ERC2: variants seen among roughly 807,000 people sequenced by gnomAD.
ERC2 encodes ERC protein 2.
Under a neutral mutation model 114.8 loss-of-function variants are expected in ERC2, and 42 were observed. That is an observed-to-expected ratio of 0.37 (90% CI 0.29 to 0.47). The LOEUF (loss-of-function observed/expected upper bound fraction) is 0.47, where lower values mean the gene tolerates loss of function less well. Ranked by LOEUF, ERC2 falls within the 20% of genes least tolerant of loss-of-function variation. The pLI, the probability that ERC2 is intolerant of heterozygous loss-of-function variation, is 0.99. For missense variants in ERC2, 939 were observed against 1,150.7 expected (o/e 0.82, Z 2.66); for synonymous variants, 454 against 425.5 (o/e 1.07, Z -0.82).
At position 56,206,007 on chromosome 3, in the gene ERC2, T is replaced by C. The variant is rs565718742; in HGVS notation, c.1075-32487A>G. Reference sequence around the variant, plus strand: ...GCAACTGTTACTCACCGTTGTCCTTTCAAGTTAACCTGTGACTGTAAGTTC... The same window carrying C: ...GCAACTGTTACTCACCGTTGTCCTTCCAAGTTAACCTGTGACTGTAAGTTC... On this transcript the variant is annotated intron_variant, in intron 3 of 17. Coordinates refer to ENST00000288221, the MANE Select transcript of ERC2 (RefSeq NM_015576.3). 2.0e-5 allele frequency among the ~76,000 whole-genome samples: 3 copies of C among 152,324 alleles called. No homozygotes were observed. In the South Asian group the frequency reaches 6.2e-4, roughly 32 times the overall value.
In ERC2 at chr3:55,889,148, C is replaced by T. The variant is rs144696586; in HGVS notation, c.2404-599G>A. Among the ~76,000 whole-genome samples the T allele has an allele frequency of 3.3e-3, 506 of 152,254 alleles. 9 individuals are homozygous for T. Among genetic ancestry groups the T allele is most frequent in the East Asian group, 0.014 (73 of 5,170 alleles). Reference sequence around the variant, plus strand: ...GAAGGCAACACTCAAATGCATTTTGCCCAGCACAATATACTTTTGTGTGTA... The same window carrying T: ...GAAGGCAACACTCAAATGCATTTTGTCCAGCACAATATACTTTTGTGTGTA... On this transcript the variant is annotated intron_variant, in intron 13 of 17. Coordinates refer to ENST00000288221, the MANE Select transcript of ERC2 (RefSeq NM_015576.3).
chr3:56,295,874 T>C (rs2150356763), intron 3 of ERC2, 145 bp downstream of exon 3: 1 of 853,492 alleles, frequency 1.2e-6, no homozygotes, highest in South Asian at 2.0e-5. Flanking sequence ...AGTTTAATGG[T>C]CTTAAGCCGG....
chr3:56,409,904 A>G (rs557161825), intron 2 of ERC2, among the ~76,000 whole-genome samples: 32 of 152,318 alleles, frequency 2.1e-4, no homozygotes, highest in African/African-American at 6.3e-4. Flanking sequence ...TCTTCACTAG[A>G]AAGTGCTGAG....
intron 13 of ERC2, among the ~76,000 whole-genome samples, chr3:55,906,079 T>C (rs1434739720): frequency 6.6e-6 from 1 of 152,162 alleles, no homozygotes; most frequent in African/African-American, 2.4e-5. Context: ...GTAATACCCA[T>C]CCTGAGGCCT....
intron 17 of ERC2, among the ~76,000 whole-genome samples, chr3:55,519,006 A>T (rs1323757865): frequency 6.6e-6 from 1 of 152,202 alleles, no homozygotes; most frequent in Admixed American, 6.5e-5. Flanking sequence ...GCCACTACTG[A>T]CATCAGAGAT....
chr3:55,550,495 T>C (rs997563793), intron 17 of ERC2, among the ~76,000 whole-genome samples: 1 of 152,190 alleles, frequency 6.6e-6, no homozygotes, highest in Non-Finnish European at 1.5e-5. Context: ...TTAGGTAACA[T>C]CTACCTCATG....
chr3:56,339,618 T>C (rs1045073268), intron 2 of ERC2, among the ~76,000 whole-genome samples: 2 of 152,114 alleles, frequency 1.3e-5, no homozygotes, highest in Non-Finnish European at 2.9e-5. Flanking sequence ...ATCAAGGAGA[T>C]GTTTCCTAAG....
At chr3:55,883,734 A>G (rs2063223552) in intron 14 of ERC2, among the ~76,000 whole-genome samples, 2 of 151,986 alleles carry the variant, frequency 1.3e-5, no homozygotes, top group Admixed American at 1.3e-4. Flanking sequence ...CTAAAAATAC[A>G]AAAATTAGCT....
chr3:55,847,132 G>A (rs1305015044), intron 14 of ERC2, among the ~76,000 whole-genome samples: 1 of 152,094 alleles, frequency 6.6e-6, no homozygotes, highest in East Asian at 1.9e-4. Flanking sequence ...TATACAAATA[G>A]ATTTATCAGA....
chr3:56,372,387 C>T (rs1329759270), intron 2 of ERC2, among the ~76,000 whole-genome samples: 1 of 152,086 alleles, frequency 6.6e-6, no homozygotes, highest in African/African-American at 2.4e-5. Context: ...AATGCAGACA[C>T]TATTAATGAA....
chr3:55,862,232 C>G (rs541096416), intron 14 of ERC2, among the ~76,000 whole-genome samples: 1 of 152,134 alleles, frequency 6.6e-6, no homozygotes, highest in Non-Finnish European at 1.5e-5. Flanking sequence ...GTCAGAGTGG[C>G]AAGCTCTATG....
intron 14 of ERC2, among the ~76,000 whole-genome samples, chr3:55,756,864 G>A (rs960079182): frequency 1.3e-5 from 2 of 152,010 alleles, no homozygotes; most frequent in Non-Finnish European, 2.9e-5. Context: ...CTCAAAGAGG[G>A]AGAAAGGAAA....
chr3:55,729,837 C>CAATAAAAAAAAAAA (rs2065138247), intron 15 of ERC2, among the ~76,000 whole-genome samples: 2 of 61,630 alleles, frequency 3.2e-5, no homozygotes, highest in African/African-American at 1.7e-4. Flanking sequence ...GACTCTATCG[C>CAATAAAAAAAAAAA]AAAAAAAAAA....
chr3:55,739,270 T>C (rs907775039), intron 14 of ERC2, among the ~76,000 whole-genome samples: 3 of 152,344 alleles, frequency 2.0e-5, no homozygotes, highest in African/African-American at 4.8e-5. Flanking sequence ...TTTGGGTATA[T>C]ACCCAGTAAT....
At chr3:55,908,388 T>C (rs1156263477) in intron 13 of ERC2, among the ~76,000 whole-genome samples, 2 of 151,966 alleles carry the variant, frequency 1.3e-5, no homozygotes, top group Non-Finnish European at 2.9e-5. Flanking sequence ...AAGAGCATTC[T>C]AGCAAGGAAA....
intron 4 of ERC2, among the ~76,000 whole-genome samples, chr3:56,171,525 A>G (rs1414439071): frequency 6.6e-6 from 1 of 152,214 alleles, no homozygotes; most frequent in African/African-American, 2.4e-5. Flanking sequence ...CATGCCTACA[A>G]ATTAGCAACA....
At chr3:55,800,118 C>T (rs999986484) in intron 14 of ERC2, among the ~76,000 whole-genome samples, 2 of 151,990 alleles carry the variant, frequency 1.3e-5, no homozygotes, top group Non-Finnish European at 2.9e-5. Flanking sequence ...CTTTCTTTCT[C>T]TTTCTTACTC....
chr3:56,064,612 C>G (rs1302968554), intron 7 of ERC2, among the ~76,000 whole-genome samples: 2 of 152,224 alleles, frequency 1.3e-5, no homozygotes, highest in Admixed American at 1.3e-4. Flanking sequence ...GACTTACTTC[C>G]CTTTGCACCA....
At chr3:55,819,887 A>G (rs116375975) in intron 14 of ERC2, among the ~76,000 whole-genome samples, 131 of 152,300 alleles carry the variant, frequency 8.6e-4, no homozygotes, top group African/African-American at 2.8e-3. Context: ...TCTTGTGGGT[A>G]CAATTTGGGC....
Sources: gnomAD v4.1 joint callset for allele counts (sites outside exome capture counted in the v4.1 genomes callset) on GRCh38, gnomAD v4.1.1 for gene constraint, MANE v1.5 for transcripts, NCBI Gene and HGNC (gene_info 2026-07-23, HGNC 2026-07-21) for gene names.